The following MARCHF1 variants were observed in gnomAD, a reference collection of about 807,000 sequenced individuals.
The protein encoded by MARCHF1 is membrane associated ring-CH-type finger 1, also known as E3 ubiquitin-protein ligase MARCHF1.
MARCHF1 carries 40 observed loss-of-function variants against 54.2 expected under a neutral mutation model. That is an observed-to-expected ratio of 0.74 (90% CI 0.57 to 0.96). The LOEUF is 0.96. Among genes scored for constraint, MARCHF1 ranks in the 40% least tolerant of loss-of-function variants. The probability of loss-of-function intolerance (pLI) is 0.00; values close to 1 mark genes in which losing one functional copy is unlikely to be tolerated. For synonymous variants in MARCHF1, 236 were observed against 236.3 expected, an observed-to-expected ratio of 1.00 and a Z score of 0.01; for missense variants, 586 against 656.5, an observed-to-expected ratio of 0.89 and a Z score of 1.17.
At chr4:164,088,693 C>T (rs991317292) in intron 2 of MARCHF1, among the ~76,000 whole-genome samples, 7 of 152,080 alleles carry the variant, frequency 4.6e-5, no homozygotes, top group African/African-American at 1.4e-4. Context: ...GAGCCCAGAT[C>T]GCACCACTGC....
At chr4:163,833,230 T>C (rs555021352) in intron 4 of MARCHF1, among the ~76,000 whole-genome samples, 330 of 152,278 alleles carry the variant, frequency 2.2e-3, no homozygotes, top group African/African-American at 7.3e-3. Flanking sequence ...GTTCCTATTT[T>C]TCCACATCCT....
Position 164,197,310 on chromosome 4 carries a change from A to G in MARCHF1, c.-322-85648T>C, listed in dbSNP as rs73873811. Reference sequence around the variant, plus strand: ...TGTCGAGATATGTGAGTTGCAGGAGAAGCTTGAACACGTTTTCTCCGTAGT... The same window carrying G: ...TGTCGAGATATGTGAGTTGCAGGAGGAGCTTGAACACGTTTTCTCCGTAGT... On this transcript the variant is annotated intron_variant, in intron 1 of 9. Coordinates refer to ENST00000514618, the MANE Select transcript of MARCHF1 (RefSeq NM_001394959.1). The G allele has an allele frequency of 1.1e-3, 1,794 of 1,611,974 alleles. 18 individuals are homozygous for G. In the African/African-American group the frequency reaches 0.022, roughly 20 times the overall value.
intron 1 of MARCHF1, among the ~76,000 whole-genome samples, chr4:164,157,893 A>C (rs1730119133): frequency 6.6e-6 from 1 of 152,120 alleles, no homozygotes; most frequent in Non-Finnish European, 1.5e-5. Context: ...TTACAAGTCA[A>C]CCCAAAATAC....
intron 5 of MARCHF1, among the ~76,000 whole-genome samples, chr4:163,678,243 G>A (rs891030118): frequency 6.6e-6 from 1 of 152,138 alleles, no homozygotes; most frequent in South Asian, 2.1e-4. Flanking sequence ...ATGTTATCAG[G>A]CCTGCCAGGT....
At chr4:164,149,976 T>C (rs1436517047) in intron 1 of MARCHF1, among the ~76,000 whole-genome samples, 1 of 152,210 alleles carries the variant, frequency 6.6e-6, no homozygotes, top group African/African-American at 2.4e-5. Flanking sequence ...ATCTCTTTGT[T>C]ACTCAATAGG....
chr4:163,864,371 C>T lies in MARCHF1; in HGVS notation c.-38-10202G>A, dbSNP rs1276224865. Among the ~76,000 whole-genome samples the T allele has an allele frequency of 2.0e-5, 3 of 151,758 alleles. No individual in the cohort carries two copies. In the East Asian group the frequency reaches 5.8e-4, roughly 29 times the overall value. Reference sequence around the variant, plus strand: ...CAATTGAGGAACACTCTACAACAAACCTGATCAATAATCTTCAAAACTGTC... The same window carrying T: ...CAATTGAGGAACACTCTACAACAAATCTGATCAATAATCTTCAAAACTGTC... On this transcript the variant is annotated intron_variant, in intron 3 of 9. Coordinates refer to ENST00000514618, the MANE Select transcript of MARCHF1 (RefSeq NM_001394959.1).
At chr4:164,022,466 C>T (rs1167634344) in intron 2 of MARCHF1, among the ~76,000 whole-genome samples, 2 of 152,144 alleles carry the variant, frequency 1.3e-5, no homozygotes, top group African/African-American at 4.8e-5. Context: ...GTGGGGTACA[C>T]AAATGCTAGG....
At chr4:164,382,924 GA>G (rs1329638891) in intron 1 of MARCHF1, among the ~76,000 whole-genome samples, 2 of 152,128 alleles carry the variant, frequency 1.3e-5, no homozygotes, top group African/African-American at 2.4e-5. Context: ...TGGAACTACT[GA>G]ATAACAATAA....
intron 3 of MARCHF1, among the ~76,000 whole-genome samples, chr4:163,887,041 T>A (rs1750553504): frequency 6.6e-6 from 1 of 152,134 alleles, no homozygotes; most frequent in Non-Finnish European, 1.5e-5. Context: ...TTTGTAAGCT[T>A]ATTATTTAAT....
rs1240722343 is a variant in MARCHF1, at chr4:163,528,646, G to A, written c.*102C>T. ...GGAAAAATGTGTCAGTAGGAGAAAG[G>A]AGGAGCTGAAGGGAGTAAATAATTC... On this transcript the variant is annotated 3_prime_UTR_variant, in exon 10 of 10. Coordinates refer to ENST00000514618, the MANE Select transcript of MARCHF1 (RefSeq NM_001394959.1). 13 of 1,202,608 alleles carry A rather than the reference G, an allele frequency of 1.1e-5. No homozygotes were observed. The highest frequency in any genetic ancestry group is 2.9e-4 in the Middle Eastern group (1 of 3,392). 74.5% of individuals were successfully genotyped at this position (1,202,608 alleles called of 1,614,324 possible).
chr4:164,350,334 GT>G (rs1419088646), intron 1 of MARCHF1, among the ~76,000 whole-genome samples: 1 of 152,146 alleles, frequency 6.6e-6, no homozygotes, highest in Non-Finnish European at 1.5e-5. Context: ...TAGAATTGAG[GT>G]TAGTAAAGTG....
chr4:164,255,312 G>A (rs555083832), intron 1 of MARCHF1, among the ~76,000 whole-genome samples: 1 of 149,040 alleles, frequency 6.7e-6, no homozygotes, highest in Non-Finnish European at 1.5e-5. Context: ...ATAAAGAATT[G>A]CCCCTAAAAT....
intron 7 of MARCHF1, among the ~76,000 whole-genome samples, chr4:163,591,077 TAATTA>T (rs1408409360): frequency 2.0e-5 from 3 of 151,626 alleles, no homozygotes; most frequent in Admixed American, 6.6e-5. Flanking sequence ...GATTATTAAT[TAATTA>T]TTGTCACTTA....
intron 5 of MARCHF1, among the ~76,000 whole-genome samples, chr4:163,700,287 A>T (rs1007323188): frequency 2.6e-5 from 4 of 152,046 alleles, no homozygotes; most frequent in African/African-American, 9.7e-5. Context: ...AGGGTGGATC[A>T]TGAGCTCAGG....
At chr4:163,658,897 T>A (rs1274486366) in intron 5 of MARCHF1, among the ~76,000 whole-genome samples, 1 of 151,954 alleles carries the variant, frequency 6.6e-6, no homozygotes, top group Non-Finnish European at 1.5e-5. Flanking sequence ...CTATGGCACA[T>A]GTTTACCTAT....
chr4:164,214,576 T>C (rs542989342), intron 1 of MARCHF1, among the ~76,000 whole-genome samples: 1 of 152,346 alleles, frequency 6.6e-6, no homozygotes, highest in South Asian at 2.1e-4. Context: ...TAGCTTATCA[T>C]AGCAATGTGT....
chr4:164,312,233 T>G (rs1410886688), intron 1 of MARCHF1, among the ~76,000 whole-genome samples: 1 of 152,080 alleles, frequency 6.6e-6, no homozygotes, highest in East Asian at 1.9e-4. Context: ...AGGTCACATT[T>G]GGGATGTTTT....
chr4:163,916,842 C>T (rs572790646), intron 3 of MARCHF1, among the ~76,000 whole-genome samples: 1 of 152,216 alleles, frequency 6.6e-6, no homozygotes, highest in South Asian at 2.1e-4. Flanking sequence ...TGAACAAACA[C>T]TGACACATCA....
intron 1 of MARCHF1, among the ~76,000 whole-genome samples, chr4:164,148,227 AACT>A (rs1729824753): frequency 6.6e-6 from 1 of 152,010 alleles, no homozygotes; most frequent in Admixed American, 6.6e-5. Context: ...TTGGAACTAC[AACT>A]ACTAGTAGGG....
Sources: gnomAD v4.1 joint callset for allele counts (sites outside exome capture counted in the v4.1 genomes callset) on GRCh38, gnomAD v4.1.1 for gene constraint, MANE v1.5 for transcripts, NCBI Gene and HGNC (gene_info 2026-07-23, HGNC 2026-07-21) for gene names.